The following MAF variants were observed in gnomAD, a reference collection of about 807,000 sequenced individuals.
The protein encoded by MAF is transcription factor Maf.
Under a neutral mutation model 22.0 loss-of-function variants are expected in MAF, and 10 were observed. The observed-to-expected ratio is 0.45, with a 90% CI of 0.28 to 0.77. The LOEUF (loss-of-function observed/expected upper bound fraction) is 0.77, where lower values mean the gene tolerates loss of function less well. MAF is among the 30% of genes least tolerant of loss of function. The pLI is 0.12. For synonymous variants in MAF, 337 were observed against 255.8 expected (o/e 1.32, Z -3.03); for missense variants, 544 against 548.4 (o/e 0.99, Z 0.08).
At chr16:79,548,606 C>T in the MAF span, among the ~76,000 whole-genome samples, 1 of 152,268 alleles carries the variant, frequency 6.6e-6, no homozygotes, top group Admixed American at 6.5e-5. Context: ...GATGAAGAGT[C>T]TTGTGTTTTT....
the MAF span, among the ~76,000 whole-genome samples, chr16:79,489,190 TATCC>T: frequency 2.6e-5 from 4 of 152,068 alleles, no homozygotes; most frequent in Admixed American, 2.0e-4. Flanking sequence ...CACATCCATT[TATCC>T]ATCCATCTAT....
At chr16:79,412,710 T>C in the MAF span, among the ~76,000 whole-genome samples, 14 of 152,260 alleles carry the variant, frequency 9.2e-5, no homozygotes, top group East Asian at 2.5e-3. Flanking sequence ...CTCCAGCAGT[T>C]GTTGTTAAGA....
At chr16:79,375,303 G>A in the MAF span, among the ~76,000 whole-genome samples, 27 of 152,290 alleles carry the variant, frequency 1.8e-4, no homozygotes, top group Non-Finnish European at 3.5e-4. Flanking sequence ...ATTCTGTCCA[G>A]CAAATAAGAG....
chr16:79,374,244 C>T, the MAF span, among the ~76,000 whole-genome samples: 1 of 152,186 alleles, frequency 6.6e-6, no homozygotes, highest in Non-Finnish European at 1.5e-5. Context: ...TCCTGCATAA[C>T]CAGTTGGAAT....
chr16:79,517,908 A>T, the MAF span, among the ~76,000 whole-genome samples: 1 of 152,166 alleles, frequency 6.6e-6, no homozygotes, highest in African/African-American at 2.4e-5. Context: ...TGGAGCTCTG[A>T]AAACATACCC....
At chr16:79,538,481 G>A in the MAF span, among the ~76,000 whole-genome samples, 13 of 152,142 alleles carry the variant, frequency 8.5e-5, no homozygotes, top group Admixed American at 2.0e-4. Flanking sequence ...AGAATTAACT[G>A]ATGCTTATGG....
At chr16:79,479,193 G>C in the MAF span, among the ~76,000 whole-genome samples, 2 of 152,126 alleles carry the variant, frequency 1.3e-5, no homozygotes, top group Admixed American at 6.5e-5. Context: ...CACCACCCCA[G>C]CATACCTATA....
intron 1 of MAF, chr16:79,594,830 AC>A: frequency 8.0e-7 from 1 of 1,244,536 alleles, no homozygotes; most frequent in Non-Finnish European, 1.0e-6. Flanking sequence ...AGCCACTCAA[AC>A]CTCATTTTTG....
At chr16:79,306,508 G>T in the MAF span, among the ~76,000 whole-genome samples, 3 of 152,168 alleles carry the variant, frequency 2.0e-5, no homozygotes, top group Non-Finnish European at 2.9e-5. Flanking sequence ...GAGGTTGGTG[G>T]CTTACAAGGT....
chr16:79,507,386 G>T, the MAF span, among the ~76,000 whole-genome samples: 2 of 147,244 alleles, frequency 1.4e-5, no homozygotes, highest in East Asian at 2.1e-4. Flanking sequence ...AAAGTGCTGG[G>T]ATTACAGGCG....
chr16:79,581,459 C>T (rs1912511022), downstream of MAF, among the ~76,000 whole-genome samples: 3 of 152,196 alleles, frequency 2.0e-5, no homozygotes, highest in South Asian at 4.1e-4. Context: ...CCCAACTCAA[C>T]TCTGCTGCTG....
the MAF span, chr16:79,211,881 T>C: frequency 8.2e-6 from 13 of 1,585,090 alleles, no homozygotes; most frequent in South Asian, 1.5e-4. Context: ...CTTCCAAATG[T>C]CCCTCCAACA....
At chr16:79,347,583 G>A in the MAF span, among the ~76,000 whole-genome samples, 3 of 152,174 alleles carry the variant, frequency 2.0e-5, no homozygotes, top group African/African-American at 4.8e-5. Context: ...CGCATGCACC[G>A]AGCGGGGAAC....
chr16:79,240,452 AC>A, the MAF span, among the ~76,000 whole-genome samples: 1 of 135,452 alleles, frequency 7.4e-6, no homozygotes, highest in Non-Finnish European at 1.6e-5. Context: ...AGAATAAAAA[AC>A]CCTTTTGCCT....
At chr16:79,319,284 T>G in the MAF span, among the ~76,000 whole-genome samples, 1 of 152,026 alleles carries the variant, frequency 6.6e-6, no homozygotes, top group Non-Finnish European at 1.5e-5. Flanking sequence ...AAGATGAACT[T>G]TAAGCGGGGG....
chr16:79,267,839 C>T, the MAF span, among the ~76,000 whole-genome samples: 4 of 151,938 alleles, frequency 2.6e-5, no homozygotes, highest in Admixed American at 2.6e-4. Flanking sequence ...TCCTAAGTGA[C>T]AGATTATTTC....
the MAF span, among the ~76,000 whole-genome samples, chr16:79,416,814 T>C: frequency 2.0e-5 from 3 of 152,228 alleles, no homozygotes; most frequent in African/African-American, 7.2e-5. Flanking sequence ...GCCGCTGTGT[T>C]GTTTTTTGAC....
chr16:79,576,104 T>A, the MAF span, among the ~76,000 whole-genome samples: 1 of 152,050 alleles, frequency 6.6e-6, no homozygotes, highest in Non-Finnish European at 1.5e-5. Flanking sequence ...ATCTTCTGAG[T>A]ATACATCAAT....
chr16:79,493,532 T>C, the MAF span, among the ~76,000 whole-genome samples: 3 of 152,192 alleles, frequency 2.0e-5, no homozygotes, highest in African/African-American at 7.2e-5. Flanking sequence ...CAGGCTGCTG[T>C]TGAACTCCTG....
Sources: allele counts gnomAD v4.1 joint callset (sites outside exome capture counted in the v4.1 genomes callset), GRCh38; gene constraint gnomAD v4.1.1; transcripts MANE v1.5; gene names NCBI Gene and HGNC (gene_info 2026-07-23, HGNC 2026-07-21).